The following UXS1 variants were observed in gnomAD, a reference collection of about 807,000 sequenced individuals.
UXS1 encodes the protein UDP-glucuronic acid decarboxylase 1.
Under a neutral mutation model 62.6 loss-of-function variants are expected in UXS1, and 33 were observed. The observed-to-expected ratio is 0.53, with a 90% CI of 0.40 to 0.70. UXS1 has a LOEUF of 0.70. Among genes scored for constraint, UXS1 ranks in the 30% least tolerant of loss-of-function variants. The pLI is 0.00. For synonymous variants in UXS1, 213 were observed against 206.8 expected, an observed-to-expected ratio of 1.03 and a Z score of -0.26; for missense variants, 434 against 556.3, an observed-to-expected ratio of 0.78 and a Z score of 2.21.
intron 1 of UXS1, among the ~76,000 whole-genome samples, chr2:106,182,371 G>A (rs572878858): frequency 1.6e-4 from 25 of 152,328 alleles, no homozygotes; most frequent in African/African-American, 5.8e-4. Flanking sequence ...ATTTCTGGAT[G>A]GGAAGGCAAT....
chr2:106,194,128 G>A lies in UXS1; in HGVS notation c.94+20C>T, dbSNP rs1287255424. 2 of 1,463,214 alleles carry A rather than the reference G, an allele frequency of 1.4e-6. No homozygotes were observed. Among genetic ancestry groups the A allele is most frequent in the African/African-American group, 3.0e-5 (2 of 67,642 alleles). 90.6% of individuals were successfully genotyped at this position (1,463,214 alleles called of 1,614,324 possible). ...GGGGAATGAATGGGGCTCCCCAGCTGGCAGCGGGCGCGCACTCACAGGCGA... is the reference window on the plus strand; with the variant it reads ...GGGGAATGAATGGGGCTCCCCAGCTAGCAGCGGGCGCGCACTCACAGGCGA... On this transcript the variant is annotated intron_variant, in intron 1 of 14. Transcript: ENST00000283148.
chr2:106,129,687 T>C lies in UXS1; in HGVS notation c.564A>G (p.Thr188=), dbSNP rs1236460716. ...ATGACAACTTACCCAACATGTTTAATGTCCCAATCGTATTGGTCTTTAATG... is the reference window on the plus strand; with the variant it reads ...ATGACAACTTACCCAACATGTTTAACGTCCCAATCGTATTGGTCTTTAATG... The part of the protein sequence containing the change: ...IKTLKTNTIG[T]LNMLGLAKRV... The change falls in exon 7 of 15, where the codon ACA becomes ACG. Residue 188 remains threonine (T), a synonymous_variant. Coordinates refer to ENST00000283148, the MANE Select transcript of UXS1 (RefSeq NM_001253875.2). 3 of 1,610,598 alleles carry C rather than the reference T, an allele frequency of 1.9e-6. No homozygotes were observed. Among genetic ancestry groups the C allele is most frequent in the East Asian group, 4.5e-5 (2 of 44,854 alleles).
chr2:106,149,485 ACATAGAAG>A (rs1267508355), intron 5 of UXS1, among the ~76,000 whole-genome samples: 1 of 152,194 alleles, frequency 6.6e-6, no homozygotes, highest in East Asian at 1.9e-4. Flanking sequence ...AGTGTGTTCC[ACATAGAAG>A]CACGAGTTCA....
At chr2:106,137,569 A>G (rs1329635926) in intron 6 of UXS1, among the ~76,000 whole-genome samples, 3 of 151,964 alleles carry the variant, frequency 2.0e-5, no homozygotes, top group Admixed American at 2.0e-4. Context: ...TGGGTGGATC[A>G]CCTGAGGTCA....
At chr2:106,097,979 G>GAA (rs1677262479) in intron 13 of UXS1, among the ~76,000 whole-genome samples, 1 of 152,252 alleles carries the variant, frequency 6.6e-6, no homozygotes, top group Non-Finnish European at 1.5e-5. Context: ...CTGATGCCAG[G>GAA]AAGGGCACAC....
intron 4 of UXS1, chr2:106,159,061 T>C (rs1682690476): frequency 6.6e-6 from 1 of 152,092 alleles, no homozygotes; most frequent in Admixed American, 6.6e-5. Context: ...AGCCGCCGAG[T>C]TCTCAGGGAG....
Position 106,098,532 on chromosome 2 carries a change from T to C in UXS1, c.1042+184A>G, listed in dbSNP as rs1677314484. Among the ~76,000 whole-genome samples the C allele has an allele frequency of 5.3e-5, 8 of 152,196 alleles. No homozygotes were observed. In the South Asian group the frequency reaches 1.2e-3, roughly 24 times the overall value. Reference sequence around the variant, plus strand: ...GCAACGAAAACTGAGGAGAAACCAATCCTGCCCTCCTTTATCTTTCTATTC... The same window carrying C: ...GCAACGAAAACTGAGGAGAAACCAACCCTGCCCTCCTTTATCTTTCTATTC... On this transcript the variant is annotated intron_variant, in intron 13 of 14. Transcript: ENST00000283148.
chr2:106,190,316 G>A (rs1431052702), intron 1 of UXS1, among the ~76,000 whole-genome samples: 2 of 152,150 alleles, frequency 1.3e-5, no homozygotes, highest in African/African-American at 4.8e-5. Context: ...TGGAGAGCAT[G>A]TACAGGGGCA....
rs569982371 is a variant in UXS1 at position 106,101,078 on chromosome 2, C to T, written c.964G>A (p.Val322Ile). The T allele has an allele frequency of 6.3e-5, 101 of 1,613,814 alleles. No homozygotes were observed. Among genetic ancestry groups the T allele is most frequent in the South Asian group, 4.7e-4 (43 of 91,058 alleles). Residue 322 changes from valine (V) to isoleucine (I), a missense_variant, in exon 12 of 15, where the codon GTC (valine) becomes ATC (isoleucine). Around this residue, in one of 3 missense-constraint regions of UXS1, gnomAD observed 209 missense variants for 233.3 expected, o/e 0.90. Transcript: ENST00000283148. ...CTCACCAGGTTGACCGGGCTGCTGA[C>T]GTTGCTGTTCATGAGAGCCACGAGG... ...NGLVALMNSNVSSPVNLGNPE... is the reference protein window; with the variant it reads ...NGLVALMNSNISSPVNLGNPE...
At chr2:106,119,414 T>TGAGATGGGCTGACCACTCCCACCTGA (rs1437627928) in intron 9 of UXS1, among the ~76,000 whole-genome samples, 3 of 152,118 alleles carry the variant, frequency 2.0e-5, no homozygotes, top group African/African-American at 7.2e-5. Flanking sequence ...CTCCCATCTG[T>TGAGATGGGCTGACCACTCCCACCTGA]GAGATGGGCT....
In UXS1 at chr2:106,123,074, G is replaced by A; in HGVS notation, c.655C>T (p.Gln219Ter). ...ACGTGGCCCCAGTAATCCTCACTTT[G>A]AGGGTGGACTTCAGGATCTACGATG... ...EVYGDPEVHP[Q>*]SEDYWGHVNP... The change falls in exon 9 of 15, where the codon CAA becomes TAA. Residue 219 changes from glutamine to a stop codon, truncating the protein, a stop_gained. Coordinates refer to ENST00000283148, the MANE Select transcript of UXS1 (RefSeq NM_001253875.2). LOFTEE classifies it high-confidence loss of function. 3.7e-6 allele frequency: 6 copies of A among 1,613,940 alleles called. No homozygotes were observed. The highest frequency in any genetic ancestry group is 5.1e-6 in the Non-Finnish European group (6 of 1,179,864).
intron 1 of UXS1, among the ~76,000 whole-genome samples, chr2:106,175,998 C>T (rs1316444074): frequency 6.6e-6 from 1 of 152,148 alleles, no homozygotes; most frequent in Non-Finnish European, 1.5e-5. Context: ...CAAATCAAGC[C>T]AAATATAGGG....
At chr2:106,164,985 TA>T (rs1277934074) in intron 2 of UXS1, among the ~76,000 whole-genome samples, 186 bp from the exon 3 acceptor site, 1 of 152,206 alleles carries the variant, frequency 6.6e-6, no homozygotes, top group Non-Finnish European at 1.5e-5. Context: ...GGACTCCCCT[TA>T]AATCCATCTG....
chr2:106,143,812 T>C (rs1573501059), intron 6 of UXS1, among the ~76,000 whole-genome samples: 1 of 152,152 alleles, frequency 6.6e-6, no homozygotes, highest in Non-Finnish European at 1.5e-5. Context: ...CCAGCCAGGG[T>C]AGGTCAGGTC....
rs145840246 is a variant in UXS1 at position 106,139,225 on chromosome 2, G to A, written c.472+5965C>T. Among the ~76,000 whole-genome samples, 795 of 152,234 alleles carry A rather than the reference G, an allele frequency of 5.2e-3. 12 individuals are homozygous for A. Among genetic ancestry groups the A allele is most frequent in the Admixed American group, 0.031 (473 of 15,292 alleles). On this transcript the variant is annotated intron_variant, in intron 6 of 14. Coordinates refer to ENST00000283148, the MANE Select transcript of UXS1 (RefSeq NM_001253875.2). ...GGTGCCCACAGTTGCTCCAGAGACC[G>A]CTAGAGACCCTGCCACGACCTTTCA...
At chr2:106,142,549 G>T (rs1681197673) in intron 6 of UXS1, among the ~76,000 whole-genome samples, 1 of 152,162 alleles carries the variant, frequency 6.6e-6, no homozygotes, top group African/African-American at 2.4e-5. Context: ...TATTCTTTCA[G>T]GTTGGCTGAG....
chr2:106,183,368 A>G (rs759500207), intron 1 of UXS1: 1 of 152,240 alleles, frequency 6.6e-6, no homozygotes. Flanking sequence ...TACTAAGAAT[A>G]ACATTCCAAG....
At chr2:106,114,714 T>A (rs2104893392) in intron 9 of UXS1, among the ~76,000 whole-genome samples, 1 of 152,300 alleles carries the variant, frequency 6.6e-6, no homozygotes, top group Middle Eastern at 3.4e-3. Flanking sequence ...CAGGCTTGCT[T>A]GCTGTGGCTT....
At chr2:106,154,146 T>C (rs1372539047) in intron 5 of UXS1, among the ~76,000 whole-genome samples, 1 of 152,004 alleles carries the variant, frequency 6.6e-6, no homozygotes, top group Non-Finnish European at 1.5e-5. Context: ...CAAAATATAT[T>C]CAAAGAAATA....
Sources: gnomAD v4.1 joint callset for allele counts (sites outside exome capture counted in the v4.1 genomes callset) on GRCh38, gnomAD v4.1.1 for gene constraint, gnomAD v4.1.1 regional missense constraint, MANE v1.5 for transcripts, NCBI Gene and HGNC (gene_info 2026-07-23, HGNC 2026-07-21) for gene names.